POLR3B: variants seen among roughly 807,000 people sequenced by gnomAD.
POLR3B encodes DNA-directed RNA polymerase III subunit RPC2.
Under a neutral mutation model 147.4 loss-of-function variants are expected in POLR3B, and 96 were observed. The observed-to-expected ratio is 0.65, with a 90% confidence interval of 0.55 to 0.77. The LOEUF (loss-of-function observed/expected upper bound fraction) is 0.77. POLR3B is among the 30% of genes least tolerant of loss of function. The probability of loss-of-function intolerance (pLI) is 0.00; values close to 1 mark genes in which losing one functional copy is unlikely to be tolerated. For synonymous variants in POLR3B, 461 were observed against 485.9 expected, an observed-to-expected ratio of 0.95 and a Z score of 0.67; for missense variants, 1,036 against 1,413.5, an observed-to-expected ratio of 0.73 and a Z score of 4.28.
chr12:106,383,988 AAGAG>A (rs1413862352), intron 9 of POLR3B, among the ~76,000 whole-genome samples: 3 of 151,072 alleles, frequency 2.0e-5, no homozygotes, highest in South Asian at 2.1e-4. Flanking sequence ...AAAAAAAAAA[AAGAG>A]AGAGAAAAAA....
At chr12:106,490,597 G>A (rs535213469) in intron 23 of POLR3B, among the ~76,000 whole-genome samples, 1 of 152,284 alleles carries the variant, frequency 6.6e-6, no homozygotes, top group South Asian at 2.1e-4. Context: ...ACAGAACAAA[G>A]CCAATATGAT....
rs2038479186 is a variant in POLR3B at position 106,496,087 on chromosome 12, A to G, written c.2746A>G (p.Met916Val). The G allele has an allele frequency of 1.9e-6, 3 of 1,612,676 alleles. No homozygotes were observed. The highest frequency in any genetic ancestry group is 1.3e-5 in the African/African-American group (1 of 74,890). The change falls in exon 24 of 28, where the codon ATG (methionine) becomes GTG (valine). Residue 916 changes from methionine to valine, a missense_variant. By Grantham distance (21) the Met-to-Val change is conservative. This residue lies in a region of POLR3B where 202 missense variants were observed against 272.8 expected (regional missense o/e 0.74). Transcript: ENST00000228347. ...TGGCTTGATCGTCCCCCAGGAAGAC[A>G]TGCCATTTTGTGATTCTGGCATCTG... The part of the protein sequence containing the change: ...VCGLIVPQED[M>V]PFCDSGICPD...
intron 12 of POLR3B, among the ~76,000 whole-genome samples, chr12:106,414,525 T>C (rs570474456): frequency 6.6e-6 from 1 of 152,294 alleles, no homozygotes; most frequent in South Asian, 2.1e-4. Flanking sequence ...TCCTTCATCT[T>C]GTCACTGAAC....
chr12:106,363,347 C>T (rs1354473807), intron 1 of POLR3B, among the ~76,000 whole-genome samples: 1 of 152,228 alleles, frequency 6.6e-6, no homozygotes, highest in African/African-American at 2.4e-5. Flanking sequence ...CCTAAACCTG[C>T]TATTCCTACA....
chr12:106,440,081 T>C (rs959986069), intron 18 of POLR3B, among the ~76,000 whole-genome samples: 2 of 152,086 alleles, frequency 1.3e-5, no homozygotes, highest in Admixed American at 6.5e-5. Flanking sequence ...GATATAGATA[T>C]GTATCCTGAG....
chr12:106,464,018 A>G (rs1014685135), intron 23 of POLR3B, among the ~76,000 whole-genome samples: 1 of 152,002 alleles, frequency 6.6e-6, no homozygotes, highest in African/African-American at 2.4e-5. Context: ...ACTAGAAGAC[A>G]CCTCAGAGTT....
rs1565896509 is a variant in POLR3B, at chr12:106,437,717, ATATT to A, written c.1896_1899del (p.Tyr632Ter). 6.2e-7 allele frequency: 1 copy of A among 1,604,770 alleles called. No individual in the cohort carries two copies. The highest frequency in any genetic ancestry group is 8.5e-7 in the Non-Finnish European group (1 of 1,171,674). ...ATTTCTTACATGAGAGTCTGGTTGA[ATATT>A]TAGATGTGAATGAAGAAAATGATTG... is the stretch of plus-strand genomic sequence containing the variant. On this transcript the variant is annotated frameshift_variant, in exon 18 of 28. Transcript: ENST00000228347. LOFTEE classifies it high-confidence loss of function.
At chr12:106,397,494 A>G (rs151161868) in intron 10 of POLR3B, among the ~76,000 whole-genome samples, 1 of 152,230 alleles carries the variant, frequency 6.6e-6, no homozygotes, top group Non-Finnish European at 1.5e-5. Flanking sequence ...ACAGAACTTT[A>G]TATATGGAAT....
At chr12:106,422,664 A>C (rs1352338946) in intron 12 of POLR3B, among the ~76,000 whole-genome samples, 1 of 152,172 alleles carries the variant, frequency 6.6e-6, no homozygotes, top group Non-Finnish European at 1.5e-5. Context: ...ATGCATCTCT[A>C]TCATATAACA....
At chr12:106,485,833 A>G (rs2038329935) in intron 23 of POLR3B, among the ~76,000 whole-genome samples, 1 of 152,100 alleles carries the variant, frequency 6.6e-6, no homozygotes, top group African/African-American at 2.4e-5. Context: ...CTCCAGGGAG[A>G]GATTTGGGCT....
chr12:106,394,216 A>G (rs1003432579), intron 10 of POLR3B, among the ~76,000 whole-genome samples: 3 of 152,234 alleles, frequency 2.0e-5, no homozygotes, highest in African/African-American at 7.2e-5. Flanking sequence ...CAAATCAGTA[A>G]GGATTATTCT....
intron 12 of POLR3B, among the ~76,000 whole-genome samples, chr12:106,411,365 C>T (rs1423731964): frequency 2.6e-5 from 4 of 152,008 alleles, no homozygotes; most frequent in South Asian, 2.1e-4. Context: ...CTCCAACTCC[C>T]GACCTCAGGT....
chr12:106,358,104 T>C, intron 1 of POLR3B, 153 bp downstream of exon 1: 1 of 1,511,332 alleles, frequency 6.6e-7, no homozygotes, highest in Middle Eastern at 2.4e-4. Context: ...TTGCGAGTCT[T>C]TTTTCCAGAG....
At chr12:106,505,714 G>C (rs1014968029) in intron 27 of POLR3B, among the ~76,000 whole-genome samples, 3 of 152,122 alleles carry the variant, frequency 2.0e-5, no homozygotes, top group Non-Finnish European at 4.4e-5. Flanking sequence ...CTAGATAGGG[G>C]CCATCCCCAA....
At chr12:106,440,248 T>C (rs902940997) in intron 18 of POLR3B, among the ~76,000 whole-genome samples, 1 of 152,186 alleles carries the variant, frequency 6.6e-6, no homozygotes, top group African/African-American at 2.4e-5. Context: ...ACATCTGGAA[T>C]CTGAACTCTT....
chr12:106,509,519 C>T lies in POLR3B; in HGVS notation c.3372C>T (p.Pro1124=). ...FQELQSMNII[P]RLKLSKYNE is the part of the protein sequence containing the mutation. ...AACTACAGTCTATGAACATCATCCC[C>T]AGGTTAAAACTGTCCAAGTACAATG... Residue 1124 remains proline, a synonymous_variant, in exon 28 of 28, where the codon CCC becomes CCT. Transcript: ENST00000228347. 2 of 1,612,932 alleles carry T rather than the reference C, an allele frequency of 1.2e-6. No homozygotes were observed. Among genetic ancestry groups the T allele is most frequent in the South Asian group, 1.1e-5 (1 of 91,038 alleles).
At chr12:106,463,815 C>A (rs914363260) in intron 23 of POLR3B, among the ~76,000 whole-genome samples, 195 bp downstream of exon 23, 2 of 152,108 alleles carry the variant, frequency 1.3e-5, no homozygotes, top group African/African-American at 4.8e-5. Context: ...TAGACTTGCT[C>A]CTCTATGCTG....
chr12:106,390,621 A>G (rs886223305), intron 9 of POLR3B, among the ~76,000 whole-genome samples: 2 of 151,616 alleles, frequency 1.3e-5, no homozygotes, highest in African/African-American at 4.8e-5. Context: ...CATTTGATAA[A>G]TGTTTCCATA....
At chr12:106,423,578 C>T (rs2037398787) in intron 12 of POLR3B, among the ~76,000 whole-genome samples, 1 of 152,078 alleles carries the variant, frequency 6.6e-6, no homozygotes, top group Non-Finnish European at 1.5e-5. Context: ...TTCTGATGTC[C>T]AAGGCCAGGA....
Sources: allele counts gnomAD v4.1 joint callset (sites outside exome capture counted in the v4.1 genomes callset), GRCh38; gene constraint gnomAD v4.1.1; regional missense constraint gnomAD v4.1.1; transcripts MANE v1.5; gene names NCBI Gene and HGNC (gene_info 2026-07-23, HGNC 2026-07-21).